The following CDK17 variants were observed in gnomAD, a reference collection of about 807,000 sequenced individuals.
The protein encoded by CDK17 is cyclin dependent kinase 17, also known as cyclin-dependent kinase 17.
Under a neutral mutation model 77.6 loss-of-function variants are expected in CDK17, and 24 were observed. The ratio of observed to expected loss-of-function variants is 0.31; its 90% CI spans 0.22 to 0.44. The LOEUF (loss-of-function observed/expected upper bound fraction) is 0.44. CDK17 is among the 20% of genes least tolerant of loss of function. The pLI is 1.00. For synonymous variants in CDK17, 203 were observed against 210.4 expected (o/e 0.96, Z 0.30); for missense variants, 429 against 622.5 (o/e 0.69, Z 3.31).
At chr12:96,382,649 A>G (rs1188289178) in intron 1 of CDK17, among the ~76,000 whole-genome samples, 1 of 152,180 alleles carries the variant, frequency 6.6e-6, no homozygotes, top group Non-Finnish European at 1.5e-5. Context: ...GCACATCAAA[A>G]TGTTAATTCA....
chr12:96,291,339 T>C (rs1417485683), intron 10 of CDK17, among the ~76,000 whole-genome samples: 1 of 152,162 alleles, frequency 6.6e-6, no homozygotes, highest in Non-Finnish European at 1.5e-5. Flanking sequence ...TCAACCAGGC[T>C]AGAATGAAAT....
Position 96,334,877 on chromosome 12 carries a change from G to C in CDK17, c.-29-12C>G, listed in dbSNP as rs760850870. 1.9e-6 allele frequency: 2 copies of C among 1,029,198 alleles called. No individual in the cohort carries two copies. The highest frequency in any genetic ancestry group is 4.8e-5 in the East Asian group (2 of 41,950). 63.8% of individuals were successfully genotyped at this position (1,029,198 alleles called of 1,614,324 possible). On this transcript the variant is annotated splice_polypyrimidine_tract_variant and intron_variant, in intron 1 of 16. Transcript: ENST00000261211. ...TGGCTTGAAAAATCCTGAAAGAAAA[G>C]AATAAACACAAAACTAAAGCTATAA...
chr12:96,369,187 T>C lies in CDK17; in HGVS notation c.-30+30799A>G, dbSNP rs186305688. ...AAAAGTATATATCTATATACATATC[T>C]TTACAATTATGTACCTTAAACATGT... On this transcript the variant is annotated intron_variant, in intron 1 of 16. Coordinates refer to ENST00000261211, the MANE Select transcript of CDK17 (RefSeq NM_002595.5). Among the ~76,000 whole-genome samples, 4 of 152,244 alleles carry C rather than the reference T, an allele frequency of 2.6e-5. No individual in the cohort carries two copies. In the East Asian group the frequency reaches 5.8e-4, roughly 22 times the overall value.
chr12:96,326,794 T>C (rs530447349), intron 2 of CDK17, among the ~76,000 whole-genome samples: 3 of 152,320 alleles, frequency 2.0e-5, no homozygotes, highest in African/African-American at 7.2e-5. Context: ...AGTGTAGCTA[T>C]AGTACCTAAC....
intron 1 of CDK17, among the ~76,000 whole-genome samples, chr12:96,391,510 C>T (rs1034291458): frequency 1.3e-5 from 2 of 151,978 alleles, no homozygotes; most frequent in Non-Finnish European, 1.5e-5. Context: ...AGGCTGGTCT[C>T]GAACCCCTGA....
rs374816645 is a variant in CDK17 at position 96,345,633 on chromosome 12, C to G, written c.-29-10768G>C. On this transcript the variant is annotated intron_variant, in intron 1 of 16. Transcript: ENST00000261211. Reference sequence around the variant, plus strand: ...TAAAATATAAAAAGGTAATCTGTGACAATAACAATATAAAAGGGAAGAGAC... The same window carrying G: ...TAAAATATAAAAAGGTAATCTGTGAGAATAACAATATAAAAGGGAAGAGAC... Among the ~76,000 whole-genome samples the G allele has an allele frequency of 2.8e-4, 43 of 152,134 alleles. No individual in the cohort carries two copies. The South Asian group carries it at 8.5e-3, about 30-fold the overall frequency.
At chr12:96,308,485 T>C (rs1006568389) in intron 5 of CDK17, among the ~76,000 whole-genome samples, 3 of 151,510 alleles carry the variant, frequency 2.0e-5, no homozygotes, top group African/African-American at 7.3e-5. Context: ...TCCCAGCACG[T>C]TGGGAGGCCG....
intron 1 of CDK17, among the ~76,000 whole-genome samples, chr12:96,359,278 GTTTA>G (rs1484686510): frequency 6.6e-6 from 1 of 152,134 alleles, no homozygotes; most frequent in Non-Finnish European, 1.5e-5. Context: ...TCTGAGATGT[GTTTA>G]TTTGATAAAT....
intron 1 of CDK17, among the ~76,000 whole-genome samples, chr12:96,366,958 AG>A (rs1953594365): frequency 1.3e-5 from 2 of 152,266 alleles, no homozygotes; most frequent in South Asian, 4.1e-4. Flanking sequence ...TTCTAACTAA[AG>A]ACCTTTGCTC....
At chr12:96,323,701 A>G (rs540440602) in intron 3 of CDK17, among the ~76,000 whole-genome samples, 26 of 152,334 alleles carry the variant, frequency 1.7e-4, no homozygotes, top group African/African-American at 6.0e-4. Context: ...TCATCTTGAA[A>G]TACTGCATCC....
chr12:96,344,939 C>T (rs143142856), intron 1 of CDK17, among the ~76,000 whole-genome samples: 1,590 of 152,176 alleles, frequency 0.01, 48 homozygotes, highest in Admixed American at 0.064. Flanking sequence ...GGTATTAAGG[C>T]CAACATGCAT....
chr12:96,315,286 C>T (rs1952695707), intron 3 of CDK17, among the ~76,000 whole-genome samples: 2 of 152,276 alleles, frequency 1.3e-5, no homozygotes, highest in Admixed American at 1.3e-4. Context: ...TCTTAAAACT[C>T]ACTTTATGTC....
intron 1 of CDK17, among the ~76,000 whole-genome samples, chr12:96,343,510 T>C (rs377538067): frequency 3.3e-5 from 5 of 152,202 alleles, no homozygotes; most frequent in African/African-American, 1.2e-4. Flanking sequence ...TTAGGCCCTC[T>C]GGGGCTACCG....
chr12:96,350,615 T>C (rs954997428), intron 1 of CDK17, among the ~76,000 whole-genome samples: 1 of 152,084 alleles, frequency 6.6e-6, no homozygotes, highest in African/African-American at 2.4e-5. Context: ...GACCATTCAA[T>C]AGGGAGGGAG....
intron 5 of CDK17, among the ~76,000 whole-genome samples, chr12:96,305,920 C>G (rs957416205): frequency 2.6e-5 from 4 of 152,126 alleles, no homozygotes; most frequent in African/African-American, 7.2e-5. Flanking sequence ...GGAGGTCTCA[C>G]TATGTTGCCC....
At chr12:96,357,297 C>CA (rs999110638) in intron 1 of CDK17, among the ~76,000 whole-genome samples, 3 of 151,792 alleles carry the variant, frequency 2.0e-5, no homozygotes, top group South Asian at 2.1e-4. Context: ...CTCAATTCTA[C>CA]AAAAAAAATT....
At chr12:96,347,818 A>AT in intron 1 of CDK17, among the ~76,000 whole-genome samples, 1 of 152,338 alleles carries the variant, frequency 6.6e-6, no homozygotes, top group East Asian at 1.9e-4. Context: ...AAGTCTTAAT[A>AT]AACTTTAAAA....
At chr12:96,376,067 T>C (rs192604851) in intron 1 of CDK17, among the ~76,000 whole-genome samples, 2 of 152,320 alleles carry the variant, frequency 1.3e-5, no homozygotes, top group Admixed American at 1.3e-4. Context: ...ACACCAAGTT[T>C]ACAATCTATA....
At chr12:96,390,459 A>G (rs1408176382) in intron 1 of CDK17, among the ~76,000 whole-genome samples, 1 of 148,258 alleles carries the variant, frequency 6.7e-6, no homozygotes, top group African/African-American at 2.5e-5. Context: ...CTTTAATCCC[A>G]GCACTTTGGG....
Sources: gnomAD v4.1 joint callset for allele counts (sites outside exome capture counted in the v4.1 genomes callset) on GRCh38, gnomAD v4.1.1 for gene constraint, MANE v1.5 for transcripts, NCBI Gene and HGNC (gene_info 2026-07-23, HGNC 2026-07-21) for gene names.